Variants in LIMK2 observed in about 807,000 individuals in gnomAD.
LIMK2 encodes LIM domain kinase 2.
LIMK2 carries 35 observed loss-of-function variants against 75.7 expected under a neutral mutation model. The observed-to-expected ratio is 0.46, with a 90% CI of 0.35 to 0.61. The LOEUF (loss-of-function observed/expected upper bound fraction) is 0.61. Ranked by LOEUF, LIMK2 falls within the 20% of genes least tolerant of loss-of-function variation. The pLI is 0.00. For synonymous variants in LIMK2, 301 were observed against 319.2 expected (o/e 0.94, Z 0.61); for missense variants, 623 against 831.0 (o/e 0.75, Z 3.08).
intron 2 of LIMK2, among the ~76,000 whole-genome samples, chr22:31,246,725 C>T (rs1029784060): frequency 2.1e-5 from 3 of 145,956 alleles, no homozygotes; most frequent in Non-Finnish European, 4.5e-5. Flanking sequence ...CATCACCGCA[C>T]TCCAGCCTGA....
At chr22:31,248,415 G>T (rs541357966) in intron 2 of LIMK2, 1 of 1,408,266 alleles carries the variant, frequency 7.1e-7, no homozygotes, top group African/African-American at 1.4e-5. Flanking sequence ...AAGAATGCCA[G>T]TGTGTGTGTA....
In LIMK2 at chr22:31,271,139, T is replaced by C. The variant is rs958250426; in HGVS notation, c.1321T>C (p.Tyr441His). The C allele has an allele frequency of 6.2e-7, 1 of 1,613,802 alleles. No homozygotes were observed. Among genetic ancestry groups the C allele is most frequent in the Admixed American group, 1.7e-5 (1 of 60,002 alleles). Residue 441 changes from tyrosine (Y) to histidine (H), a missense_variant, in exon 12 of 16, where the codon TAT becomes CAT. By Grantham distance (83) the Tyr-to-His change is moderately conservative. Around this residue, in one of 3 missense-constraint regions of LIMK2, gnomAD observed 514 missense variants for 661.3 expected, o/e 0.78. Coordinates refer to ENST00000331728, the MANE Select transcript of LIMK2 (RefSeq NM_005569.4). ...FAKGIASGMA[Y>H]LHSMCIIHRD... ...TCAGCTCATGCTTCTGTTCCAGGCC[T>C]ATTTGCACTCTATGTGCATCATCCA... is the stretch of plus-strand genomic sequence containing the variant.
At chr22:31,222,932 A>G (rs946805054) in intron 1 of LIMK2, 1 of 152,134 alleles carries the variant, frequency 6.6e-6, no homozygotes, top group African/African-American at 2.4e-5. Flanking sequence ...GGTGCTGTAA[A>G]GATAACTAAA....
chr22:31,276,797 C>G lies in LIMK2; in HGVS notation c.1772+1489C>G, dbSNP rs374368003. 5.0e-5 allele frequency: 80 copies of G among 1,609,486 alleles called. No homozygotes were observed. The African/African-American group carries it at 8.1e-4, about 16-fold the overall frequency. On this transcript the variant is annotated intron_variant, in intron 15 of 15. Coordinates refer to ENST00000331728, the MANE Select transcript of LIMK2 (RefSeq NM_005569.4). Reference sequence around the variant, plus strand: ...CACGCATCTACTTTCAGAGCCCCCCCCGGGGCCGCAGGAGAGGGCCCGGGC... The same window carrying G: ...CACGCATCTACTTTCAGAGCCCCCCGCGGGGCCGCAGGAGAGGGCCCGGGC...
chr22:31,270,447 G>T lies in LIMK2; in HGVS notation c.1318-689G>T, dbSNP rs116186053. ...TCCCTGGGTGTGTGAGCAGCTCCAG[G>T]AGCCTAAGGGATGAAAGTAGTATTG... On this transcript the variant is annotated intron_variant, in intron 11 of 15. Coordinates refer to ENST00000331728, the MANE Select transcript of LIMK2 (RefSeq NM_005569.4). Among the ~76,000 whole-genome samples the T allele has an allele frequency of 5.2e-3, 786 of 152,314 alleles. 5 individuals carry two copies. Among genetic ancestry groups the T allele is most frequent in the African/African-American group, 0.018 (746 of 41,554 alleles).
At chr22:31,254,344 A>C (rs962515435) in intron 2 of LIMK2, among the ~76,000 whole-genome samples, 1 of 152,274 alleles carries the variant, frequency 6.6e-6, no homozygotes, top group East Asian at 1.9e-4. Flanking sequence ...GTCTGCACAC[A>C]GAAGAAAAGA....
intron 2 of LIMK2, among the ~76,000 whole-genome samples, chr22:31,248,993 C>T (rs2048698687): frequency 6.6e-6 from 1 of 152,210 alleles, no homozygotes; most frequent in Non-Finnish European, 1.5e-5. Context: ...TCTTAGGGAG[C>T]TCCAGCTCCC....
chr22:31,237,335 G>A (rs1394578603), intron 2 of LIMK2, among the ~76,000 whole-genome samples: 1 of 151,550 alleles, frequency 6.6e-6, no homozygotes, highest in South Asian at 2.1e-4. Context: ...AGGTCGAGGC[G>A]GGCGGATCAC....
intron 2 of LIMK2, among the ~76,000 whole-genome samples, chr22:31,229,524 A>T (rs143051682): frequency 1.4e-3 from 214 of 152,290 alleles, no homozygotes; most frequent in African/African-American, 4.7e-3. Context: ...TGAGTAGTGC[A>T]GGCCTGCTGG....
At chr22:31,278,146 CATT>C (rs2049050777) in intron 15 of LIMK2, 148 bp from the exon 16 acceptor site, 6 of 658,856 alleles carry the variant, frequency 9.1e-6, no homozygotes, top group South Asian at 3.7e-5. Flanking sequence ...GTACCGGTAA[CATT>C]ATGCCCATTT....
At chr22:31,269,276 A>ATC (rs2048930582) in intron 11 of LIMK2, among the ~76,000 whole-genome samples, 1 of 103,660 alleles carries the variant, frequency 9.6e-6, no homozygotes, top group Non-Finnish European at 2.0e-5. Context: ...AATTTTTTGA[A>ATC]TTTTTTTTTC....
chr22:31,264,227 G>T (rs2123846623), intron 7 of LIMK2, among the ~76,000 whole-genome samples: 1 of 152,264 alleles, frequency 6.6e-6, no homozygotes, highest in East Asian at 1.9e-4. Flanking sequence ...GAGTGGCCAG[G>T]TATCTGTAGA....
chr22:31,257,290 A>G (rs930780213), intron 2 of LIMK2, among the ~76,000 whole-genome samples: 3 of 152,108 alleles, frequency 2.0e-5, no homozygotes, highest in Non-Finnish European at 2.9e-5. Flanking sequence ...TATATAGAAA[A>G]GTTGAAAATG....
intron 2 of LIMK2, among the ~76,000 whole-genome samples, chr22:31,249,079 G>T (rs1015361832): frequency 3.9e-5 from 6 of 152,096 alleles, no homozygotes; most frequent in Non-Finnish European, 8.8e-5. Context: ...TACTGCTTCC[G>T]GGGGGAATAG....
intron 2 of LIMK2, among the ~76,000 whole-genome samples, chr22:31,226,599 ACAT>A (rs1401961434): frequency 2.8e-5 from 4 of 142,538 alleles, no homozygotes; most frequent in Admixed American, 7.0e-5. Context: ...TATTATAGCT[ACAT>A]TATTATTATT....
intron 1 of LIMK2, among the ~76,000 whole-genome samples, chr22:31,213,327 G>T (rs1173099931): frequency 6.8e-6 from 1 of 147,746 alleles, no homozygotes; most frequent in Non-Finnish European, 1.5e-5. Flanking sequence ...GGAACCTTCT[G>T]TCTCCTATGT....
At chr22:31,220,592 C>T (rs975300346) in intron 1 of LIMK2, among the ~76,000 whole-genome samples, 1 of 152,172 alleles carries the variant, frequency 6.6e-6, no homozygotes, top group Admixed American at 6.5e-5. Context: ...AATTAAATAA[C>T]AAATTATGTA....
At chr22:31,235,104 A>G (rs1224100729) in intron 2 of LIMK2, among the ~76,000 whole-genome samples, 1 of 152,154 alleles carries the variant, frequency 6.6e-6, no homozygotes, top group Non-Finnish European at 1.5e-5. Context: ...TGATATCTTA[A>G]GACCTCTAAT....
intron 2 of LIMK2, among the ~76,000 whole-genome samples, chr22:31,255,791 T>C (rs1306356187): frequency 6.6e-6 from 1 of 152,094 alleles, no homozygotes; most frequent in Admixed American, 6.6e-5. Flanking sequence ...TCTCATACAT[T>C]AGCTTATTTC....
Sources: gnomAD v4.1 joint callset for allele counts (sites outside exome capture counted in the v4.1 genomes callset) on GRCh38, gnomAD v4.1.1 for gene constraint, gnomAD v4.1.1 regional missense constraint, MANE v1.5 for transcripts, NCBI Gene and HGNC (gene_info 2026-07-23, HGNC 2026-07-21) for gene names.